FGB: variants seen among roughly 807,000 people sequenced by gnomAD.
FGB encodes beta-fibrinogen.
FGB carries 25 observed loss-of-function variants against 57.9 expected under a neutral mutation model. The ratio of observed to expected loss-of-function variants is 0.43; its 90% CI spans 0.31 to 0.60. FGB has a LOEUF of 0.60. FGB is among the 20% of genes least tolerant of loss of function. The probability of loss-of-function intolerance (pLI) is 0.08; values close to 1 mark genes in which losing one functional copy is unlikely to be tolerated. For missense variants in FGB, 536 were observed against 598.4 expected, an observed-to-expected ratio of 0.90 and a Z score of 1.09; for synonymous variants, 203 against 199.2, an observed-to-expected ratio of 1.02 and a Z score of -0.16.
chr4:154,565,059 G>A (rs2110758177), intron 1 of FGB: 1 of 214,626 alleles, frequency 4.7e-6, no homozygotes, highest in Non-Finnish European at 1.1e-5. Context: ...TGTGATTCCA[G>A]TAAAAATAGT....
chr4:154,569,719 T>A lies in FGB; in HGVS notation c.1164T>A (p.Ser388=). The change falls in exon 7 of 8, where the codon TCT becomes TCA. Residue 388 remains serine, a synonymous_variant. Transcript: ENST00000302068. The part of the protein sequence containing the change: ...TAGNALMDGA[S]QLMGENRTMT... ...GTAATGCCCTCATGGATGGAGCATC[T>A]CAGCTGATGGGAGAAAACAGGACCA... The A allele has an allele frequency of 6.2e-7, 1 of 1,614,106 alleles. No homozygotes were observed. The highest frequency in any genetic ancestry group is 8.5e-7 in the Non-Finnish European group (1 of 1,180,016).
At chr4:154,568,535 T>C (rs1730271329) in intron 5 of FGB, 41 bp downstream of exon 5, 5 of 1,084,894 alleles carry the variant, frequency 4.6e-6, no homozygotes, top group Non-Finnish European at 7.1e-6. Context: ...TCTGTAATTA[T>C]TTGGATACCG....
Position 154,567,769 on chromosome 4 carries a change from T to G in FGB, c.667T>G (p.Cys223Gly). 6.2e-7 allele frequency: 1 copy of G among 1,614,146 alleles called. No individual in the cohort carries two copies. Among genetic ancestry groups the G allele is most frequent in the Non-Finnish European group, 8.5e-7 (1 of 1,180,018 alleles). The change falls in exon 4 of 8, where the codon TGT (cysteine) becomes GGT (glycine). Residue 223 changes from cysteine (C) to glycine (G), a missense_variant. Around this residue, in one of 3 missense-constraint regions of FGB, gnomAD observed 354 missense variants for 383.4 expected, o/e 0.92. Transcript: ENST00000302068. ...ESDVSAQMEY[C>G]RTPCTVSCNI... Reference sequence around the variant, plus strand: ...TGATGTCTCAGCTCAAATGGAATATTGTCGCACCCCATGCACTGTCAGTTG... The same window carrying G: ...TGATGTCTCAGCTCAAATGGAATATGGTCGCACCCCATGCACTGTCAGTTG...
Position 154,567,722 on chromosome 4 carries a change from GC to G in FGB, c.621del (p.Ser207ArgfsTer6). The G allele has an allele frequency of 6.2e-7, 1 of 1,614,094 alleles. No homozygotes were observed. Among genetic ancestry groups the G allele is most frequent in the Non-Finnish European group, 8.5e-7 (1 of 1,180,004 alleles). ...VLRSILENLRSKIQKLESDVS... is the reference protein window; with the variant it reads ...VLRSILENLRXKIQKLESDVS... Reference sequence around the variant, plus strand: ...CGTTCAATCCTGGAAAACCTGAGAAGCAAAATACAAAAGTTAGAATCTGATG... The same window carrying G: ...CGTTCAATCCTGGAAAACCTGAGAAGAAAATACAAAAGTTAGAATCTGATG... On this transcript the variant is annotated frameshift_variant, in exon 4 of 8. Transcript: ENST00000302068. LOFTEE classifies it high-confidence loss of function.
Position 154,563,069 on chromosome 4 carries a change from TCTATTATTGCTA to T in FGB, c.57_68del (p.Leu20_Leu23del). 2 of 1,577,138 alleles carry T rather than the reference TCTATTATTGCTA, an allele frequency of 1.3e-6. No homozygotes were observed. Among genetic ancestry groups the T allele is most frequent in the Non-Finnish European group, 1.7e-6 (2 of 1,158,446 alleles). ...TCCACAAACTTAAAACCATGAAACA[TCTATTATTGCTA>T]CTATTGTGTGTTTTTCTAGTTAAGT... On this transcript the variant is annotated inframe_deletion, in exon 1 of 8. Transcript: ENST00000302068.
rs756704290 is a variant in FGB at position 154,566,689 on chromosome 4, T to C, written c.490+17T>C. On this transcript the variant is annotated intron_variant, in intron 3 of 7. Coordinates refer to ENST00000302068, the MANE Select transcript of FGB (RefSeq NM_005141.5). ...AAGTAAAAGGTAGATATCCTTGTGC[T>C]TTCCATTCGATTTTCAGCTATAAAA... 4.3e-6 allele frequency: 7 copies of C among 1,612,724 alleles called. No homozygotes were observed. In the Admixed American group the frequency reaches 6.7e-5, roughly 15 times the overall value.
At chr4:154,568,553 C>A in intron 5 of FGB, 59 bp downstream of exon 5, 1 of 990,434 alleles carries the variant, frequency 1.0e-6, no homozygotes, top group African/African-American at 1.6e-5. Context: ...CCGTAAAATG[C>A]CAGGAAACAA....
intron 3 of FGB, 180 bp downstream of exon 3, chr4:154,566,852 G>T (rs574535925): frequency 3.2e-6 from 2 of 621,376 alleles, no homozygotes; most frequent in South Asian, 3.8e-5. Flanking sequence ...CTTATTCCCA[G>T]TCTGACATCA....
At chr4:154,564,103 A>G (rs1201773816) in intron 1 of FGB, among the ~76,000 whole-genome samples, 1 of 151,982 alleles carries the variant, frequency 6.6e-6, no homozygotes, top group African/African-American at 2.4e-5. Flanking sequence ...AAAAATGTAA[A>G]GAATGTGTAA....
rs1730438171 is a variant in FGB, at chr4:154,571,758, T to TC, written c.*1109dup. Among the ~76,000 whole-genome samples, 1 of 152,130 alleles carries TC rather than the reference T, an allele frequency of 6.6e-6. No homozygotes were observed. Among genetic ancestry groups the TC allele is most frequent in the Non-Finnish European group, 1.5e-5 (1 of 68,030 alleles). ...CTCCCCATGAAATGGGCATATCATC[T>TC]CAACACTTCACTCCAAGTCGCCACG... On this transcript the variant is annotated 3_prime_UTR_variant, in exon 8 of 8. Transcript: ENST00000302068.
chr4:154,567,461 A>G (rs991746963), intron 3 of FGB, 132 bp from the exon 4 acceptor site: 3 of 668,938 alleles, frequency 4.5e-6, no homozygotes, highest in African/African-American at 1.8e-5. Flanking sequence ...AAATATGACT[A>G]TATATCATAA....
At chr4:154,567,974 T>G (rs951661692) in intron 4 of FGB, 154 bp downstream of exon 4, 7 of 713,754 alleles carry the variant, frequency 9.8e-6, no homozygotes, top group Non-Finnish European at 1.7e-5. Context: ...TAGCCAGTTG[T>G]GTTTTGGACT....
Position 154,569,352 on chromosome 4 carries a change from G to C in FGB, c.958+45G>C, listed in dbSNP as rs1730313751. 5.0e-6 allele frequency: 8 copies of C among 1,612,238 alleles called. No homozygotes were observed. The East Asian group carries it at 1.8e-4, about 36-fold the overall frequency. ...AATAAAATCATTCTATTTGAAATGG[G>C]ATTTTTTTTAATTAAAAAACATTCA... On this transcript the variant is annotated intron_variant, in intron 6 of 7. Transcript: ENST00000302068.
intron 1 of FGB, 165 bp from the exon 2 acceptor site, chr4:154,565,643 C>G: frequency 1.5e-6 from 1 of 679,920 alleles, no homozygotes; most frequent in South Asian, 1.9e-5. Flanking sequence ...TGTTACTGAA[C>G]AGTAAGCAAC....
intron 3 of FGB, among the ~76,000 whole-genome samples, 195 bp from the exon 4 acceptor site, chr4:154,567,398 G>T (rs1730203418): frequency 6.6e-6 from 1 of 152,104 alleles, no homozygotes; most frequent in Non-Finnish European, 1.5e-5. Context: ...TACTAGTATG[G>T]TGGTTAGGAT....
intron 1 of FGB, among the ~76,000 whole-genome samples, chr4:154,564,673 G>T (rs1182409195): frequency 6.6e-6 from 1 of 151,850 alleles, no homozygotes; most frequent in Non-Finnish European, 1.5e-5. Flanking sequence ...TCACAAAATT[G>T]CAAGAGAGCT....
chr4:154,563,739 T>C lies in FGB; in HGVS notation c.114+607T>C, dbSNP rs2227396. ...AACACGGTTCAGTCTAATTTATTTA[T>C]TTGTAGAACAGTTTGTCCTCAACTA... is the stretch of plus-strand genomic sequence containing the variant. On this transcript the variant is annotated intron_variant, in intron 1 of 7. Transcript: ENST00000302068. 6.2e-3 allele frequency among the ~76,000 whole-genome samples: 947 copies of C among 152,074 alleles called. 9 individuals carry two copies. Among genetic ancestry groups the C allele is most frequent in the Non-Finnish European group, 9.6e-3 (652 of 67,810 alleles).
chr4:154,566,561 G>A lies in FGB; in HGVS notation c.379G>A (p.Val127Ile). The A allele has an allele frequency of 6.2e-7, 1 of 1,614,046 alleles. No homozygotes were observed. The highest frequency in any genetic ancestry group is 8.5e-7 in the Non-Finnish European group (1 of 1,179,966). ...ACAGGAAAGGCCAATCAGAAATAGT[G>A]TTGATGAGTTAAATAACAATGTGGA... ...LQQERPIRNS[V>I]DELNNNVEAV... Residue 127 changes from valine (V) to isoleucine (I), a missense_variant, in exon 3 of 8, where the codon GTT becomes ATT. By Grantham distance (29) the Val-to-Ile change is conservative. This residue lies in a region of FGB where 354 missense variants were observed against 383.4 expected (regional missense o/e 0.92). Transcript: ENST00000302068.
Position 154,570,671 on chromosome 4 carries a change from G to T in FGB, c.*21G>T, listed in dbSNP as rs1317503133. ...AATAGTCCCCAATACGTAGATTTTT[G>T]CTCTTCTGTATGTGACAACATTTTT... On this transcript the variant is annotated 3_prime_UTR_variant, in exon 8 of 8. Coordinates refer to ENST00000302068, the MANE Select transcript of FGB (RefSeq NM_005141.5). The T allele has an allele frequency of 6.3e-7, 1 of 1,587,908 alleles. No individual in the cohort carries two copies.
Sources: gnomAD v4.1 joint callset for allele counts (sites outside exome capture counted in the v4.1 genomes callset) on GRCh38, gnomAD v4.1.1 for gene constraint, gnomAD v4.1.1 regional missense constraint, MANE v1.5 for transcripts, NCBI Gene and HGNC (gene_info 2026-07-23, HGNC 2026-07-21) for gene names.